Variants in CPB1 observed in about 807,000 individuals in gnomAD.
The protein encoded by CPB1 is carboxypeptidase B1.
A neutral mutation model predicts 51.4 loss-of-function variants in CPB1; 53 were observed. The ratio of observed to expected loss-of-function variants is 1.03; its 90% CI spans 0.83 to 1.30. The LOEUF is 1.30. Among genes scored for constraint, CPB1 ranks in the 50% most tolerant of loss-of-function variants. The pLI is 0.00. For synonymous variants in CPB1, 189 were observed against 186.9 expected (o/e 1.01, Z -0.09); for missense variants, 494 against 516.2 (o/e 0.96, Z 0.42).
At chr3:148,834,709 A>G (rs1350780663) in intron 3 of CPB1, 87 bp downstream of exon 3, 10 of 1,311,710 alleles carry the variant, frequency 7.6e-6, no homozygotes, top group Non-Finnish European at 1.0e-5. Context: ...GGAAGAAATG[A>G]GACCAAGACC....
chr3:148,836,816 A>G (rs1196878328), intron 3 of CPB1, among the ~76,000 whole-genome samples: 1 of 152,168 alleles, frequency 6.6e-6, no homozygotes, highest in Admixed American at 6.5e-5. Context: ...TCCCATTATT[A>G]CCTCATATGG....
At chr3:148,850,961 A>C (rs4146773) in intron 9 of CPB1, 144,796 of 152,286 alleles carry the variant, frequency 0.95, 68,903 homozygotes, top group Middle Eastern at 0.97. Context: ...CATTTATTCA[A>C]CATTATGCTC....
intron 2 of CPB1, among the ~76,000 whole-genome samples, chr3:148,830,011 T>C (rs1009270020): frequency 6.6e-6 from 1 of 152,188 alleles, no homozygotes; most frequent in Admixed American, 6.5e-5. Flanking sequence ...ACCAGGTTAG[T>C]GCTCTCATCC....
chr3:148,847,282 C>T (rs921055239), intron 9 of CPB1, among the ~76,000 whole-genome samples: 1 of 149,606 alleles, frequency 6.7e-6, no homozygotes, highest in African/African-American at 2.5e-5. Context: ...TAAGTTTAAG[C>T]CCTTTTAGTG....
At chr3:148,828,358 T>C (rs1301197097) in intron 2 of CPB1, among the ~76,000 whole-genome samples, 1 of 152,228 alleles carries the variant, frequency 6.6e-6, no homozygotes, top group African/African-American at 2.4e-5. Flanking sequence ...ACATCTAATG[T>C]ACAGTCACTT....
intron 2 of CPB1, among the ~76,000 whole-genome samples, chr3:148,833,808 T>C (rs1444489556): frequency 1.3e-5 from 2 of 151,676 alleles, no homozygotes; most frequent in Non-Finnish European, 2.9e-5. Flanking sequence ...ACAAAGGCCA[T>C]GTTTGATTTG....
Position 148,857,499 on chromosome 3 carries a change from C to A in CPB1, c.1024C>A (p.His342Asn). ...TACTGTGAAAGAACTTGCCTCACTG[C>A]ACGGCACCAAGTACACATATGGCCC... ...KATVKELASL[H>N]GTKYTYGPGA... Residue 342 changes from histidine to asparagine, a missense_variant, in exon 10 of 11, where the codon CAC (histidine) becomes AAC (asparagine). Physicochemically the swap from His to Asn is moderately conservative, Grantham distance 68. Coordinates refer to ENST00000282957, the MANE Select transcript of CPB1 (RefSeq NM_001871.3). 2 of 1,613,976 alleles carry A rather than the reference C, an allele frequency of 1.2e-6. No homozygotes were observed. Among genetic ancestry groups the A allele is most frequent in the Non-Finnish European group, 8.5e-7 (1 of 1,179,940 alleles).
chr3:148,845,467 A>G lies in CPB1; in HGVS notation c.822A>G (p.Gly274=), dbSNP rs764594831. The G allele has an allele frequency of 6.2e-6, 10 of 1,613,510 alleles. No homozygotes were observed. The highest frequency in any genetic ancestry group is 2.2e-5 in the East Asian group (1 of 44,884). Residue 274 remains glycine (G), a synonymous_variant, in exon 9 of 11, where the codon GGA becomes GGG. Coordinates refer to ENST00000282957, the MANE Select transcript of CPB1 (RefSeq NM_001871.3). ...ACCCCTGTGATGAAACTTACTGTGG[A>G]CCTGCCGCAGAGTCTGAAAAGGAGA... is the stretch of plus-strand genomic sequence containing the variant. ...SRNPCDETYC[G]PAAESEKETK... is the part of the protein sequence containing the mutation.
At position 148,845,388 on chromosome 3, in the gene CPB1, G is replaced by A. The variant is rs1713205568; in HGVS notation, c.779-36G>A. The A allele has an allele frequency of 1.3e-6, 2 of 1,592,344 alleles. 1 individual carries two copies. Among genetic ancestry groups the A allele is most frequent in the South Asian group, 2.2e-5 (2 of 90,568 alleles). On this transcript the variant is annotated intron_variant, in intron 8 of 10. Coordinates refer to ENST00000282957, the MANE Select transcript of CPB1 (RefSeq NM_001871.3). ...AAACATCCCCACAAGAACTTCACTA[G>A]GTGATCCTTGCCATTAACATCATAT...
At chr3:148,858,443 G>A (rs913858620) in intron 10 of CPB1, among the ~76,000 whole-genome samples, 1 of 151,914 alleles carries the variant, frequency 6.6e-6, no homozygotes, top group Non-Finnish European at 1.5e-5. Flanking sequence ...GTGGTGGCGG[G>A]CACCTGTAAT....
chr3:148,840,558 GACA>G, intron 3 of CPB1, 125 bp from the exon 4 acceptor site: 1 of 752,100 alleles, frequency 1.3e-6, no homozygotes, highest in Non-Finnish European at 2.3e-6. Flanking sequence ...AGAACCAGAG[GACA>G]ACATGAGAAT....
chr3:148,830,399 T>C (rs13327844), intron 2 of CPB1, among the ~76,000 whole-genome samples: 110 of 152,276 alleles, frequency 7.2e-4, no homozygotes, highest in Non-Finnish European at 1.4e-3. Context: ...GCCTTTCTAC[T>C]TGTTAGTCAA....
chr3:148,841,941 GT>G lies in CPB1; in HGVS notation c.576+22del. ...GTAAGAGAGGTCAGTGTGTAGAGTGGTTTTTGGCAAAGAGAAATGTATGTTT... is the reference window on the plus strand; with the variant it reads ...GTAAGAGAGGTCAGTGTGTAGAGTGGTTTTGGCAAAGAGAAATGTATGTTT... On this transcript the variant is annotated intron_variant, in intron 6 of 10. Coordinates refer to ENST00000282957, the MANE Select transcript of CPB1 (RefSeq NM_001871.3). 4 of 1,548,256 alleles carry G rather than the reference GT, an allele frequency of 2.6e-6. No individual in the cohort carries two copies. The highest frequency in any genetic ancestry group is 1.1e-5 in the South Asian group (1 of 88,246).
chr3:148,857,280 A>C, intron 9 of CPB1, 177 bp from the exon 10 acceptor site: 1 of 534,032 alleles, frequency 1.9e-6, no homozygotes, highest in Non-Finnish European at 3.4e-6. Flanking sequence ...TTGCACAAGA[A>C]TTACTTGGAT....
chr3:148,848,186 A>G (rs1216678760), intron 9 of CPB1, among the ~76,000 whole-genome samples: 2 of 152,324 alleles, frequency 1.3e-5, no homozygotes, highest in East Asian at 1.9e-4. Flanking sequence ...TTACAAATAT[A>G]TGTATAGACA....
chr3:148,857,623 T>C (rs1576575373), intron 10 of CPB1, 82 bp downstream of exon 10: 8 of 1,007,594 alleles, frequency 7.9e-6, no homozygotes, highest in South Asian at 1.5e-5. Flanking sequence ...TCTTTTCTGA[T>C]AGTTTAAAGC....
chr3:148,841,948 G>A lies in CPB1; in HGVS notation c.576+24G>A, dbSNP rs370618017. On this transcript the variant is annotated intron_variant, in intron 6 of 10. Coordinates refer to ENST00000282957, the MANE Select transcript of CPB1 (RefSeq NM_001871.3). ...AGGTCAGTGTGTAGAGTGGTTTTTG[G>A]CAAAGAGAAATGTATGTTTTAATTT... is the stretch of plus-strand genomic sequence containing the variant. The A allele has an allele frequency of 1.5e-3, 2,274 of 1,500,206 alleles. 2 individuals are homozygous for A. The highest frequency in any genetic ancestry group is 1.9e-3 in the Non-Finnish European group (2,063 of 1,081,872). The allele number at this position is 1,500,206 out of a possible 1,614,324, so 92.9% of individuals were successfully genotyped here. A position where few individuals can be genotyped will look rare whatever the true frequency, so the allele number is the denominator to read the frequency against.
chr3:148,834,000 A>T (rs1366530846), intron 2 of CPB1, among the ~76,000 whole-genome samples: 4 of 152,342 alleles, frequency 2.6e-5, no homozygotes, highest in South Asian at 2.1e-4. Flanking sequence ...TTCCTGATGT[A>T]TCCACCACAG....
intron 2 of CPB1, among the ~76,000 whole-genome samples, chr3:148,833,318 G>A (rs375523735): frequency 6.6e-6 from 1 of 151,908 alleles, no homozygotes. Context: ...ATTCCTTATG[G>A]GCCTGATTCG....
Sources: gnomAD v4.1 joint callset for allele counts (sites outside exome capture counted in the v4.1 genomes callset) on GRCh38, gnomAD v4.1.1 for gene constraint, MANE v1.5 for transcripts, NCBI Gene and HGNC (gene_info 2026-07-23, HGNC 2026-07-21) for gene names.